SIL1: variants seen among roughly 807,000 people sequenced by gnomAD.
SIL1 encodes nucleotide exchange factor SIL1.
A neutral mutation model predicts 49.1 loss-of-function variants in SIL1; 40 were observed. The ratio of observed to expected loss-of-function variants is 0.81; its 90% CI spans 0.63 to 1.06. SIL1 has a LOEUF of 1.06. SIL1 is among the 50% of genes least tolerant of loss of function. The pLI is 0.00. For synonymous variants in SIL1, 253 were observed against 250.8 expected (o/e 1.01, Z -0.08); for missense variants, 500 against 572.6 (o/e 0.87, Z 1.29).
intron 3 of SIL1, among the ~76,000 whole-genome samples, chr5:139,057,446 A>T (rs1769479234): frequency 6.6e-6 from 1 of 151,896 alleles, no homozygotes. Context: ...TCTCCAGTTG[A>T]CAGGAAATGA....
intron 3 of SIL1, among the ~76,000 whole-genome samples, chr5:139,080,304 G>A (rs149633544): frequency 5.6e-4 from 86 of 152,296 alleles, no homozygotes; most frequent in African/African-American, 2.0e-3. Context: ...AGAAAAAGCT[G>A]TGGGCTAATG....
At chr5:138,969,549 GAGAGC>G in intron 7 of SIL1, among the ~76,000 whole-genome samples, 1 of 152,220 alleles carries the variant, frequency 6.6e-6, no homozygotes, top group South Asian at 2.1e-4. Flanking sequence ...TGTTCCATCT[GAGAGC>G]CACTCACAGT....
intron 7 of SIL1, among the ~76,000 whole-genome samples, chr5:138,958,297 A>G (rs899948512): frequency 2.0e-5 from 3 of 152,230 alleles, no homozygotes; most frequent in Admixed American, 6.5e-5. Context: ...GCAGGAATAC[A>G]CAAACACAAT....
At chr5:139,088,246 T>C (rs998411868) in intron 3 of SIL1, among the ~76,000 whole-genome samples, 4 of 152,250 alleles carry the variant, frequency 2.6e-5, no homozygotes, top group African/African-American at 9.6e-5. Flanking sequence ...CTTTCCTTTT[T>C]GTCATTTCTC....
chr5:139,086,099 G>C (rs1489163048), intron 3 of SIL1, among the ~76,000 whole-genome samples: 1 of 130,928 alleles, frequency 7.6e-6, no homozygotes, highest in African/African-American at 3.3e-5. Flanking sequence ...CTGAAACCCC[G>C]ACTCTACCGA....
chr5:139,196,220 T>C (rs924006532), intron 1 of SIL1, among the ~76,000 whole-genome samples: 1 of 151,958 alleles, frequency 6.6e-6, no homozygotes, highest in African/African-American at 2.4e-5. Flanking sequence ...TACAGTATGG[T>C]TTAATATATT....
At chr5:139,037,539 C>A (rs889160399) in intron 5 of SIL1, among the ~76,000 whole-genome samples, 1 of 152,116 alleles carries the variant, frequency 6.6e-6, no homozygotes, top group Admixed American at 6.5e-5. Context: ...TTTCTCCAAT[C>A]TATCTTCTCT....
intron 4 of SIL1, among the ~76,000 whole-genome samples, chr5:139,049,959 T>G (rs1043419984): frequency 6.6e-6 from 1 of 152,172 alleles, no homozygotes; most frequent in African/African-American, 2.4e-5. Context: ...ATCCATATGG[T>G]GTCTGTCCCA....
intron 7 of SIL1, among the ~76,000 whole-genome samples, chr5:138,984,179 G>T (rs1367488761): frequency 6.6e-6 from 1 of 152,132 alleles, no homozygotes; most frequent in Non-Finnish European, 1.5e-5. Flanking sequence ...TGTGCTTGCA[G>T]GACTTCAGGA....
intron 1 of SIL1, among the ~76,000 whole-genome samples, chr5:139,151,130 T>C (rs1751290689): frequency 2.0e-5 from 3 of 152,080 alleles, no homozygotes; most frequent in Admixed American, 2.0e-4. Flanking sequence ...CAGCCTCAAC[T>C]CAATGGAAAC....
chr5:139,034,367 C>T (rs1191361957), intron 5 of SIL1: 2 of 151,686 alleles, frequency 1.3e-5, no homozygotes, highest in Non-Finnish European at 2.9e-5. Flanking sequence ...TTAAATACAC[C>T]ATTTTATTTA....
At position 139,091,130 on chromosome 5, in the gene SIL1, T is replaced by C. The variant is rs143377770; in HGVS notation, c.244+29905A>G. On this transcript the variant is annotated intron_variant, in intron 3 of 9. Coordinates refer to ENST00000394817, the MANE Select transcript of SIL1 (RefSeq NM_022464.5). ...AATAACTTTCCTAATTATAAGTTGG[T>C]GGCAACAACTTGTTGAAAGTAAATA... 3.4e-3 allele frequency among the ~76,000 whole-genome samples: 521 copies of C among 152,346 alleles called. 3 individuals are homozygous for C. The highest frequency in any genetic ancestry group is 0.012 in the African/African-American group (491 of 41,584).
Position 138,946,937 on chromosome 5 carries a change from C to T in SIL1, c.*180G>A, listed in dbSNP as rs1027821331. ...CCATCACCCAACCACTCACCTGACC[C>T]CCCGGCCACAGGGCTGTGCCCAGTC... On this transcript the variant is annotated 3_prime_UTR_variant, in exon 10 of 10. Coordinates refer to ENST00000394817, the MANE Select transcript of SIL1 (RefSeq NM_022464.5). The T allele has an allele frequency of 2.2e-5, 14 of 642,730 alleles. No individual in the cohort carries two copies. In the African/African-American group the frequency reaches 2.5e-4, roughly 12 times the overall value. 39.8% of individuals were successfully genotyped at this position (642,730 alleles called of 1,614,324 possible).
chr5:139,156,105 G>A (rs1751403291), intron 1 of SIL1, among the ~76,000 whole-genome samples: 1 of 152,106 alleles, frequency 6.6e-6, no homozygotes, highest in Non-Finnish European at 1.5e-5. Flanking sequence ...TTTCACAGAA[G>A]ATGACTAAAT....
chr5:139,167,103 C>T (rs534935172), intron 1 of SIL1, among the ~76,000 whole-genome samples: 70 of 151,790 alleles, frequency 4.6e-4, no homozygotes, highest in Admixed American at 4.0e-3. Context: ...TGAGCCACCG[C>T]GCCCAGCCTT....
At chr5:138,952,067 C>T (rs1021284809) in intron 7 of SIL1, among the ~76,000 whole-genome samples, 183 bp from the exon 8 acceptor site, 23 of 152,160 alleles carry the variant, frequency 1.5e-4, no homozygotes, top group South Asian at 2.1e-4. Context: ...GTGGGAACAG[C>T]GGCCCACAGC....
intron 3 of SIL1, among the ~76,000 whole-genome samples, chr5:139,088,029 A>AC (rs147460766): frequency 0.021 from 3,215 of 152,228 alleles, 124 homozygotes; most frequent in African/African-American, 0.075. Flanking sequence ...CCACCATGGA[A>AC]CACTGCCTCT....
intron 6 of SIL1, chr5:139,022,524 G>A (rs1001357120): frequency 2.6e-5 from 4 of 152,212 alleles, no homozygotes; most frequent in African/African-American, 9.7e-5. Flanking sequence ...ATATGGTTAG[G>A]TGTTCAATGA....
At chr5:139,096,608 T>A (rs1355629174) in intron 3 of SIL1, among the ~76,000 whole-genome samples, 1 of 151,522 alleles carries the variant, frequency 6.6e-6, no homozygotes, top group Non-Finnish European at 1.5e-5. Context: ...GCATCTTGAA[T>A]ACCGGCTCAG....
Sources: gnomAD v4.1 joint callset for allele counts (sites outside exome capture counted in the v4.1 genomes callset) on GRCh38, gnomAD v4.1.1 for gene constraint, MANE v1.5 for transcripts, NCBI Gene and HGNC (gene_info 2026-07-23, HGNC 2026-07-21) for gene names.